Variants in PEX14 observed in about 807,000 individuals in gnomAD.
PEX14 encodes the protein peroxisomal membrane protein PEX14.
In PEX14, 15 loss-of-function variants were observed where a neutral mutation model predicts 49.5. That is an observed-to-expected ratio of 0.30 (90% CI 0.20 to 0.47). The LOEUF is 0.47. PEX14 is among the 20% of genes least tolerant of loss of function. The pLI, the probability that PEX14 is intolerant of heterozygous loss-of-function variation, is 1.00. For missense variants in PEX14, 398 were observed against 494.8 expected, an observed-to-expected ratio of 0.80 and a Z score of 1.86; for synonymous variants, 210 against 212.7, an observed-to-expected ratio of 0.99 and a Z score of 0.11.
At chr1:10,558,736 C>CAAAAAA (rs34343338) in intron 3 of PEX14, among the ~76,000 whole-genome samples, 3 of 113,436 alleles carry the variant, frequency 2.6e-5, no homozygotes, top group African/African-American at 6.3e-5. Flanking sequence ...GACCCTGTCT[C>CAAAAAA]AAAAAAAAAA....
intron 2 of PEX14, among the ~76,000 whole-genome samples, chr1:10,506,162 T>G (rs1216257723): frequency 1.3e-5 from 2 of 152,204 alleles, no homozygotes; most frequent in Non-Finnish European, 1.5e-5. Context: ...TCTCCCACAC[T>G]CATCTGTACC....
At chr1:10,584,187 A>G (rs1197160114) in intron 3 of PEX14, among the ~76,000 whole-genome samples, 1 of 152,190 alleles carries the variant, frequency 6.6e-6, no homozygotes, top group African/African-American at 2.4e-5. Flanking sequence ...AGTAGAAATT[A>G]AGGATGACTC....
chr1:10,562,645 T>G (rs1639682049), intron 3 of PEX14, among the ~76,000 whole-genome samples: 1 of 152,230 alleles, frequency 6.6e-6, no homozygotes, highest in African/African-American at 2.4e-5. Flanking sequence ...TGATTTTGAT[T>G]TGTTCTGTGA....
In PEX14 at chr1:10,623,318, C is replaced by G; in HGVS notation, c.487+197C>G. On this transcript the variant is annotated intron_variant, in intron 6 of 8. Transcript: ENST00000356607. This position sits in a 1 kb window ranked among gnomAD's most constrained non-coding sequence, Gnocchi z 4.4. ...ATTGCTTGTTTACTGTCGGCGCGGC[C>G]TCAATTAATTATGTTTTTACGGAAA... is the stretch of plus-strand genomic sequence containing the variant. 1.8e-6 allele frequency: 1 copy of G among 569,826 alleles called. No homozygotes were observed. The highest frequency in any genetic ancestry group is 1.9e-5 in the South Asian group (1 of 53,790). The allele number at this position is 569,826 out of a possible 1,614,324, so 35.3% of individuals were successfully genotyped here. A position where few individuals can be genotyped will look rare whatever the true frequency, so the allele number is the denominator to read the frequency against.
At chr1:10,496,134 G>C (rs776540293) in intron 2 of PEX14, among the ~76,000 whole-genome samples, 49 of 152,296 alleles carry the variant, frequency 3.2e-4, no homozygotes, top group South Asian at 6.2e-4. Flanking sequence ...AGGAGATGAC[G>C]TGAGGGACTT....
intron 4 of PEX14, among the ~76,000 whole-genome samples, chr1:10,605,662 C>T (rs143037184): frequency 2.6e-5 from 4 of 152,312 alleles, no homozygotes; most frequent in Non-Finnish European, 4.4e-5. Flanking sequence ...TCGGGGTTCC[C>T]GTCAGAAAGC....
chr1:10,545,613 C>T (rs1639145549), intron 3 of PEX14, among the ~76,000 whole-genome samples: 1 of 152,238 alleles, frequency 6.6e-6, no homozygotes, highest in South Asian at 2.1e-4. Flanking sequence ...CATAAACTAT[C>T]TGGGTTTGAA....
At chr1:10,599,178 G>T in intron 3 of PEX14, 60 bp from the exon 4 acceptor site, 5 of 1,571,074 alleles carry the variant, frequency 3.2e-6, no homozygotes, top group East Asian at 2.2e-5. Flanking sequence ...TGAAGATTCT[G>T]TTGCAGCTAT....
At position 10,495,471 on chromosome 1, in the gene PEX14, T is replaced by A; in HGVS notation, c.84+150T>A. The A allele has an allele frequency of 2.8e-6, 2 of 710,086 alleles. No homozygotes were observed. The highest frequency in any genetic ancestry group is 5.3e-4 in the Middle Eastern group (2 of 3,770). The allele number at this position is 710,086 out of a possible 1,614,324, so 44.0% of individuals were successfully genotyped here. A position where few individuals can be genotyped will look rare whatever the true frequency, so the allele number is the denominator to read the frequency against. ...ACTGCCTCTGTCAGTGACCTCTGAC[T>A]TCTCTTCTCGCGTGTGGGGACGAGT... On this transcript the variant is annotated intron_variant, in intron 2 of 8. Transcript: ENST00000356607. This position sits in a 1 kb window ranked among gnomAD's most constrained non-coding sequence, Gnocchi z 4.2.
At chr1:10,476,404 T>C (rs1041176140) in intron 1 of PEX14, among the ~76,000 whole-genome samples, 3 of 152,238 alleles carry the variant, frequency 2.0e-5, no homozygotes, top group African/African-American at 7.2e-5. Flanking sequence ...ACATTTAGTT[T>C]GCTGAAATAC....
At position 10,630,181 on chromosome 1, in the gene PEX14, C is replaced by CCGCCAG; in HGVS notation, c.*196_*201dup. 2 of 864,564 alleles carry CCGCCAG rather than the reference C, an allele frequency of 2.3e-6. No homozygotes were observed. The highest frequency in any genetic ancestry group is 3.5e-6 in the Non-Finnish European group (2 of 577,244). The allele number at this position is 864,564 out of a possible 1,614,324, so 53.6% of individuals were successfully genotyped here. ...GTCCACCTGGCCTCCTCTCGCCTGG[C>CCGCCAG]CGCCAGCCCCAGCCCCAGCCCCAGC... is the stretch of plus-strand genomic sequence containing the variant. On this transcript the variant is annotated 3_prime_UTR_variant, in exon 9 of 9. Transcript: ENST00000356607. The surrounding 1 kb of genome is among the most constrained non-coding windows in gnomAD (Gnocchi z 4.1).
chr1:10,606,912 T>C (rs1165068261), intron 4 of PEX14, among the ~76,000 whole-genome samples: 2 of 152,238 alleles, frequency 1.3e-5, no homozygotes, highest in African/African-American at 2.4e-5. Flanking sequence ...ACACCCATTT[T>C]AATTGTACAA....
chr1:10,566,671 GTTTGT>G (rs754576190), intron 3 of PEX14, among the ~76,000 whole-genome samples: 3 of 151,688 alleles, frequency 2.0e-5, no homozygotes, highest in East Asian at 1.9e-4. Flanking sequence ...TTGTTTGTTT[GTTTGT>G]TTTGTTTTGT....
chr1:10,525,138 C>T (rs1486532819), intron 2 of PEX14, among the ~76,000 whole-genome samples: 1 of 152,188 alleles, frequency 6.6e-6, no homozygotes, highest in Admixed American at 6.5e-5. Flanking sequence ...GATGGATTTC[C>T]TCACTGAGCT....
At chr1:10,554,482 G>T (rs1010328262) in intron 3 of PEX14, among the ~76,000 whole-genome samples, 9 of 152,138 alleles carry the variant, frequency 5.9e-5, no homozygotes, top group African/African-American at 2.2e-4. Context: ...TCACCTTGAA[G>T]AGGCAGGGAG....
At chr1:10,496,096 G>C (rs574227275) in intron 2 of PEX14, among the ~76,000 whole-genome samples, 1 of 152,304 alleles carries the variant, frequency 6.6e-6, no homozygotes, top group African/African-American at 2.4e-5. Flanking sequence ...CACCTGTTCT[G>C]CTTCACTCCC....
At chr1:10,577,090 T>G (rs1255633297) in intron 3 of PEX14, among the ~76,000 whole-genome samples, 1 of 151,854 alleles carries the variant, frequency 6.6e-6, no homozygotes. Context: ...AGAGCAAGGC[T>G]CACTTCATCA....
In PEX14 at chr1:10,537,341, AC is replaced by A. The variant is rs34410254; in HGVS notation, c.169+1056del. Among the ~76,000 whole-genome samples the A allele has an allele frequency of 5.8e-3, 166 of 28,448 alleles. 34 individuals carry two copies. Among genetic ancestry groups the A allele is most frequent in the African/African-American group, 0.022 (156 of 7,112 alleles). The allele number at this position is 28,448 out of a possible 152,430, so 18.7% of individuals were successfully genotyped here. On this transcript the variant is annotated intron_variant, in intron 3 of 8. Transcript: ENST00000356607. ...TGCTCACTGGCTGCATTGTGCCAGCACCCCCCCCCCCCGCCATCATTAGGAG... is the reference window on the plus strand; with the variant it reads ...TGCTCACTGGCTGCATTGTGCCAGCACCCCCCCCCCCGCCATCATTAGGAG...
At chr1:10,543,238 G>A (rs1203006980) in intron 3 of PEX14, among the ~76,000 whole-genome samples, 1 of 152,162 alleles carries the variant, frequency 6.6e-6, no homozygotes, top group Non-Finnish European at 1.5e-5. Flanking sequence ...AAGTTCAAGC[G>A]ATTCATCTGC....
Sources: allele counts gnomAD v4.1 joint callset (sites outside exome capture counted in the v4.1 genomes callset), GRCh38; gene constraint gnomAD v4.1.1; non-coding constraint Gnocchi (gnomAD v3.1); transcripts MANE v1.5; gene names NCBI Gene and HGNC (gene_info 2026-07-23, HGNC 2026-07-21).